Variants in UNC13C observed in about 807,000 individuals in gnomAD.
UNC13C encodes the protein unc-13 homolog C.
In UNC13C, 174 loss-of-function variants were observed where a neutral mutation model predicts 245.4. The observed-to-expected ratio is 0.71, with a 90% confidence interval of 0.63 to 0.80. The LOEUF (loss-of-function observed/expected upper bound fraction) is 0.80. Among genes scored for constraint, UNC13C ranks in the 30% least tolerant of loss-of-function variants. The pLI is 0.00. For missense variants in UNC13C, 2,829 were observed against 2,602.9 expected (o/e 1.09, Z -1.89); for synonymous variants, 992 against 895.1 (o/e 1.11, Z -1.93).
At chr15:54,218,793 G>A (rs2140773800) in intron 4 of UNC13C, among the ~76,000 whole-genome samples, 2 of 151,988 alleles carry the variant, frequency 1.3e-5, no homozygotes, top group Middle Eastern at 6.8e-3. Context: ...CTATTGATGA[G>A]GAGCTTCAGG....
chr15:54,098,424 C>T (rs1899991823), intron 2 of UNC13C, among the ~76,000 whole-genome samples: 1 of 152,154 alleles, frequency 6.6e-6, no homozygotes, highest in African/African-American at 2.4e-5. Flanking sequence ...ATCCGCCCAC[C>T]TTGGCCTCCC....
At chr15:53,928,433 C>T in the UNC13C span, among the ~76,000 whole-genome samples, 6 of 152,166 alleles carry the variant, frequency 3.9e-5, no homozygotes, top group African/African-American at 1.4e-4. Context: ...GTGTTCCTTG[C>T]CCTCATTCCT....
At chr15:54,092,604 A>G (rs929566165) in intron 2 of UNC13C, among the ~76,000 whole-genome samples, 1 of 152,192 alleles carries the variant, frequency 6.6e-6, no homozygotes, top group Admixed American at 6.5e-5. Context: ...TTAATCCCCA[A>G]GAACACTCTT....
intron 17 of UNC13C, among the ~76,000 whole-genome samples, chr15:54,348,538 A>T (rs898558496): frequency 6.6e-6 from 1 of 152,190 alleles, no homozygotes; most frequent in Non-Finnish European, 1.5e-5. Context: ...TGTGATATGT[A>T]TACCACAATT....
intron 17 of UNC13C, among the ~76,000 whole-genome samples, chr15:54,357,331 C>G (rs2039119131): frequency 6.6e-6 from 1 of 151,884 alleles, no homozygotes. Flanking sequence ...AATGTTTTTG[C>G]TTTGCATTCT....
At chr15:54,282,723 G>A (rs1464160827) in intron 10 of UNC13C, among the ~76,000 whole-genome samples, 6 of 152,256 alleles carry the variant, frequency 3.9e-5, no homozygotes, top group East Asian at 3.9e-4. Flanking sequence ...CCAAGCTCTT[G>A]TCTGGTGTCC....
intron 17 of UNC13C, among the ~76,000 whole-genome samples, chr15:54,374,787 G>C (rs960620113): frequency 3.9e-5 from 6 of 152,206 alleles, no homozygotes; most frequent in Non-Finnish European, 8.8e-5. Flanking sequence ...TCCTGGCTGC[G>C]CCTCGCCGGC....
At chr15:54,410,224 CTGT>C (rs2040389715) in intron 18 of UNC13C, among the ~76,000 whole-genome samples, 1 of 152,072 alleles carries the variant, frequency 6.6e-6, no homozygotes, top group African/African-American at 2.4e-5. Flanking sequence ...ATGAGGTTGC[CTGT>C]TGTTTTTGCA....
At chr15:54,210,236 TAA>T (rs1491242114) in intron 4 of UNC13C, among the ~76,000 whole-genome samples, 12 of 84,808 alleles carry the variant, frequency 1.4e-4, no homozygotes, top group South Asian at 7.4e-4. Flanking sequence ...TTAACTGCAT[TAA>T]TATATATATA....
At chr15:54,323,364 A>G in intron 14 of UNC13C, among the ~76,000 whole-genome samples, 1 of 152,000 alleles carries the variant, frequency 6.6e-6, no homozygotes, top group East Asian at 1.9e-4. Flanking sequence ...AGTAAAGGAG[A>G]CTACTCTTTG....
chr15:54,487,438 T>G (rs1415213733), intron 19 of UNC13C, among the ~76,000 whole-genome samples: 1 of 152,090 alleles, frequency 6.6e-6, no homozygotes, highest in African/African-American at 2.4e-5. Context: ...TTAACTATAT[T>G]TGTTCCTCCA....
intron 2 of UNC13C, among the ~76,000 whole-genome samples, chr15:54,082,702 C>A (rs934047944): frequency 3.3e-5 from 5 of 152,120 alleles, no homozygotes; most frequent in African/African-American, 1.2e-4. Flanking sequence ...GGAACCGTCG[C>A]TTCTTATTTT....
intron 24 of UNC13C, among the ~76,000 whole-genome samples, chr15:54,524,014 T>C (rs77143773): frequency 0.011 from 1,746 of 152,350 alleles, 42 homozygotes; most frequent in East Asian, 0.1. Flanking sequence ...AATCCACATA[T>C]GTTTTCTTGG....
intron 10 of UNC13C, among the ~76,000 whole-genome samples, chr15:54,277,607 T>C (rs1312746891): frequency 6.6e-6 from 1 of 152,160 alleles, no homozygotes; most frequent in Non-Finnish European, 1.5e-5. Flanking sequence ...GAAAATTTCA[T>C]CAAAAAGGAG....
At chr15:54,584,398 C>G (rs1473034762) in intron 30 of UNC13C, among the ~76,000 whole-genome samples, 1 of 152,112 alleles carries the variant, frequency 6.6e-6, no homozygotes, top group African/African-American at 2.4e-5. Context: ...ATAAATACCT[C>G]GAATTCTTTA....
At chr15:54,621,254 A>T (rs929245666) in intron 30 of UNC13C, among the ~76,000 whole-genome samples, 2 of 152,180 alleles carry the variant, frequency 1.3e-5, no homozygotes, top group Non-Finnish European at 2.9e-5. Context: ...AATACATTGC[A>T]AATGAGATTG....
At chr15:54,081,947 A>C (rs11856452) in intron 2 of UNC13C, among the ~76,000 whole-genome samples, 70,787 of 151,788 alleles carry the variant, frequency 0.47, 18,528 homozygotes, top group Non-Finnish European at 0.6. Flanking sequence ...ATGTTTAGAA[A>C]TCCTTTGATC....
intron 1 of UNC13C, among the ~76,000 whole-genome samples, chr15:54,006,943 C>T (rs988696934): frequency 4.6e-5 from 7 of 152,188 alleles, no homozygotes; most frequent in Non-Finnish European, 7.3e-5. Flanking sequence ...ACCTTTTCTG[C>T]ACTTTGTGAG....
At chr15:54,401,824 G>A (rs1056866416) in intron 18 of UNC13C, among the ~76,000 whole-genome samples, 2 of 151,972 alleles carry the variant, frequency 1.3e-5, no homozygotes, top group Admixed American at 1.3e-4. Context: ...TGACTCCAGG[G>A]GCTGTTTGAC....
Sources: allele counts gnomAD v4.1 joint callset (sites outside exome capture counted in the v4.1 genomes callset), GRCh38; gene constraint gnomAD v4.1.1; transcripts MANE v1.5; gene names NCBI Gene and HGNC (gene_info 2026-07-23, HGNC 2026-07-21).